Variants in CSNK1G2 observed in about 807,000 individuals in gnomAD.
The protein encoded by CSNK1G2 is casein kinase I isoform gamma-2.
In CSNK1G2, 11 loss-of-function variants were observed where a neutral mutation model predicts 48.0. That is an observed-to-expected ratio of 0.23 (90% CI 0.14 to 0.38). The LOEUF (loss-of-function observed/expected upper bound fraction) is 0.38, where lower values mean the gene tolerates loss of function less well. Among genes scored for constraint, CSNK1G2 ranks in the 10% least tolerant of loss-of-function variants. The pLI is 1.00. For synonymous variants in CSNK1G2, 337 were observed against 254.1 expected (o/e 1.33, Z -3.10); for missense variants, 446 against 595.5 (o/e 0.75, Z 2.61).
At chr19:1,960,025 G>A (rs1261549956) in intron 1 of CSNK1G2, among the ~76,000 whole-genome samples, 1 of 152,190 alleles carries the variant, frequency 6.6e-6, no homozygotes, top group African/African-American at 2.4e-5. Flanking sequence ...TGTTGTAAAG[G>A]GCATAACCTG....
In CSNK1G2 at chr19:1,978,516, C is replaced by G. The variant is rs376378625; in HGVS notation, c.298+5C>G. 63 of 1,577,434 alleles carry G rather than the reference C, an allele frequency of 4.0e-5. No individual in the cohort carries two copies. Among genetic ancestry groups the G allele is most frequent in the Admixed American group, 5.5e-5 (3 of 54,354 alleles). ...ACAAGCAGCTCAGCGCCACAGGTACCGGGCGGCCCGCGGGTGGGGCGGGGG... is the reference window on the plus strand; with the variant it reads ...ACAAGCAGCTCAGCGCCACAGGTACGGGGCGGCCCGCGGGTGGGGCGGGGG... On this transcript the variant is annotated splice_donor_5th_base_variant and intron_variant, in intron 4 of 11. Coordinates refer to ENST00000255641, the MANE Select transcript of CSNK1G2 (RefSeq NM_001319.7). This position sits in a 1 kb window ranked among gnomAD's most constrained non-coding sequence, Gnocchi z 7.3.
intron 1 of CSNK1G2, among the ~76,000 whole-genome samples, chr19:1,949,559 C>T (rs2014688963): frequency 6.6e-6 from 1 of 152,246 alleles, no homozygotes; most frequent in Admixed American, 6.5e-5. Flanking sequence ...TGCATGGCAT[C>T]CGCGTGTGGC....
Position 1,980,207 on chromosome 19 carries a change from T to C in CSNK1G2, c.*4T>C, listed in dbSNP as rs747613011. Reference sequence around the variant, plus strand: ...ATCGCTGCAGCGACACAAGTGACCCTGGGCGCGTGCAGCCCCCTGAATCTT... The same window carrying C: ...ATCGCTGCAGCGACACAAGTGACCCCGGGCGCGTGCAGCCCCCTGAATCTT... On this transcript the variant is annotated 3_prime_UTR_variant, in exon 12 of 12. Transcript: ENST00000255641. 6.2e-7 allele frequency: 1 copy of C among 1,612,818 alleles called. No individual in the cohort carries two copies.
At chr19:1,974,265 G>A (rs574072909) in intron 2 of CSNK1G2, among the ~76,000 whole-genome samples, 6 of 152,148 alleles carry the variant, frequency 3.9e-5, no homozygotes, top group African/African-American at 9.7e-5. Context: ...TGAGGGTGGC[G>A]TCTGGCAAAG....
rs1258202729 is a variant in CSNK1G2, at chr19:1,941,364, A to G, written c.-320A>G. ...AGCGGGGGTCCGCGCTGCGCTGCTGAGGCCGGGCCGGCCGCCCAGACGCTG... is the reference window on the plus strand; with the variant it reads ...AGCGGGGGTCCGCGCTGCGCTGCTGGGGCCGGGCCGGCCGCCCAGACGCTG... On this transcript the variant is annotated 5_prime_UTR_variant, in exon 1 of 12. Transcript: ENST00000255641. 1.4e-5 allele frequency: 2 copies of G among 147,180 alleles called. No individual in the cohort carries two copies. The highest frequency in any genetic ancestry group is 3.0e-5 in the Non-Finnish European group (2 of 66,132). The allele number at this position is 147,180 out of a possible 1,614,324, so 9.1% of individuals were successfully genotyped here.
intron 2 of CSNK1G2, 54 bp downstream of exon 2, chr19:1,970,013 C>G (rs943704338): frequency 2.4e-6 from 3 of 1,276,150 alleles, no homozygotes; most frequent in Non-Finnish European, 2.0e-6. Context: ...CAGGGCCGCC[C>G]CGAGTCACCG....
At chr19:1,941,771 C>T (rs1187472144) in intron 1 of CSNK1G2, among the ~76,000 whole-genome samples, 2 of 146,134 alleles carry the variant, frequency 1.4e-5, no homozygotes, top group African/African-American at 2.5e-5. Flanking sequence ...CTGCCCCCGC[C>T]GCTCCAGTGA....
In CSNK1G2 at chr19:1,980,254, G is replaced by T. The variant is rs777386499; in HGVS notation, c.*51G>T. On this transcript the variant is annotated 3_prime_UTR_variant, in exon 12 of 12. Transcript: ENST00000255641. ...TCTTCTCCGTGCAGCCCCTTGGGGC[G>T]CGACCTTGTGCGAGGCCCTCGGGGC... 6.2e-7 allele frequency: 1 copy of T among 1,602,874 alleles called. No individual in the cohort carries two copies. Among genetic ancestry groups the T allele is most frequent in the East Asian group, 2.2e-5 (1 of 44,798 alleles).
chr19:1,953,414 G>T (rs1190814286), intron 1 of CSNK1G2: 3 of 534,572 alleles, frequency 5.6e-6, no homozygotes, highest in Non-Finnish European at 7.7e-6. Flanking sequence ...GGCCGTCTTT[G>T]TGATGGATTT....
chr19:1,943,697 C>G (rs2014449959), intron 1 of CSNK1G2, among the ~76,000 whole-genome samples: 1 of 152,120 alleles, frequency 6.6e-6, no homozygotes, highest in Non-Finnish European at 1.5e-5. Flanking sequence ...CCAGCAGATG[C>G]GTCCGCAGAG....
intron 1 of CSNK1G2, among the ~76,000 whole-genome samples, chr19:1,967,481 T>TG (rs1451662180): frequency 6.6e-6 from 1 of 151,754 alleles, no homozygotes; most frequent in Admixed American, 6.6e-5. Flanking sequence ...GGCTGGGGCC[T>TG]GGGTCAGGGA....
At chr19:1,948,338 A>G (rs1478730743) in intron 1 of CSNK1G2, among the ~76,000 whole-genome samples, 1 of 151,894 alleles carries the variant, frequency 6.6e-6, no homozygotes, top group Non-Finnish European at 1.5e-5. Flanking sequence ...CCTGGCTAAC[A>G]CAGTGAAACC....
chr19:1,979,310 C>A lies in CSNK1G2; in HGVS notation c.769-9C>A, dbSNP rs779221452. 7.5e-6 allele frequency: 12 copies of A among 1,595,242 alleles called. No individual in the cohort carries two copies. Among genetic ancestry groups the A allele is most frequent in the Non-Finnish European group, 1.0e-5 (12 of 1,172,492 alleles). On this transcript the variant is annotated splice_polypyrimidine_tract_variant and intron_variant, in intron 7 of 11. Transcript: ENST00000255641. The stretch of plus-strand genomic sequence containing the variant: ...GGGCGGGAGCAAGGCTGACCACAGA[C>A]CCCCGCAGGCCGACACGCTCAAGGA...
chr19:1,980,145 T>G lies in CSNK1G2; in HGVS notation c.1194-4T>G, dbSNP rs202197209. The G allele has an allele frequency of 1.4e-4, 221 of 1,612,912 alleles. No homozygotes were observed. The African/African-American group carries it at 2.6e-3, about 19-fold the overall frequency. ...CCTCCTACCTGAGCCACTGCCCTCC[T>G]CAGATGCTGCTGTTTCTTCAAGAGG... On this transcript the variant is annotated splice_region_variant and splice_polypyrimidine_tract_variant and intron_variant, in intron 11 of 11. Coordinates refer to ENST00000255641, the MANE Select transcript of CSNK1G2 (RefSeq NM_001319.7).
At chr19:1,961,769 G>T (rs1367534232) in intron 1 of CSNK1G2, among the ~76,000 whole-genome samples, 1 of 152,264 alleles carries the variant, frequency 6.6e-6, no homozygotes, top group African/African-American at 2.4e-5. Flanking sequence ...GTCTGGTTTA[G>T]AGAAACTAGG....
intron 2 of CSNK1G2, among the ~76,000 whole-genome samples, chr19:1,974,167 C>T (rs908732421): frequency 6.6e-6 from 1 of 152,174 alleles, no homozygotes; most frequent in Non-Finnish European, 1.5e-5. Flanking sequence ...GCTAGGGTTA[C>T]AGGCATGAGC....
chr19:1,974,036 C>G (rs893730302), intron 2 of CSNK1G2, among the ~76,000 whole-genome samples: 1 of 152,068 alleles, frequency 6.6e-6, no homozygotes, highest in East Asian at 1.9e-4. Flanking sequence ...TACAGGCGCC[C>G]GTCACCACAC....
chr19:1,961,193 G>A (rs936564542), intron 1 of CSNK1G2, among the ~76,000 whole-genome samples: 1 of 152,268 alleles, frequency 6.6e-6, no homozygotes, highest in African/African-American at 2.4e-5. Flanking sequence ...GGCCGTCGCG[G>A]TTGTGGCATT....
chr19:1,942,708 G>A (rs1053016786), intron 1 of CSNK1G2: 6 of 152,250 alleles, frequency 3.9e-5, no homozygotes, highest in African/African-American at 1.4e-4. Flanking sequence ...TGGCAGCTGG[G>A]GATGGAAGCA....
Sources: allele counts gnomAD v4.1 joint callset (sites outside exome capture counted in the v4.1 genomes callset), GRCh38; gene constraint gnomAD v4.1.1; non-coding constraint Gnocchi (gnomAD v3.1); transcripts MANE v1.5; gene names NCBI Gene and HGNC (gene_info 2026-07-23, HGNC 2026-07-21).